LINGO2: variants seen among roughly 807,000 people sequenced by gnomAD.
LINGO2 encodes leucine-rich repeat and immunoglobulin-like domain-containing nogo receptor-interacting protein 2.
A neutral mutation model predicts 30.6 loss-of-function variants in LINGO2; 14 were observed. The observed-to-expected ratio is 0.46, with a 90% CI of 0.30 to 0.72. The LOEUF is 0.72. Among genes scored for constraint, LINGO2 ranks in the 30% least tolerant of loss-of-function variants. LINGO2 has a pLI of 0.07. For synonymous variants in LINGO2, 317 were observed against 288.5 expected (o/e 1.10, Z -1.00); for missense variants, 729 against 751.7 (o/e 0.97, Z 0.35).
At chr9:28,081,380 A>C (rs1050748542) in intron 4 of LINGO2, among the ~76,000 whole-genome samples, 4 of 152,146 alleles carry the variant, frequency 2.6e-5, no homozygotes, top group African/African-American at 9.7e-5. Flanking sequence ...CTTATGATGA[A>C]CCACTTAACA....
chr9:29,061,911 T>C, the LINGO2 span, among the ~76,000 whole-genome samples: 3 of 152,132 alleles, frequency 2.0e-5, no homozygotes, highest in African/African-American at 7.2e-5. Flanking sequence ...GAGAAAATAT[T>C]TGCAAGTCAC....
the LINGO2 span, among the ~76,000 whole-genome samples, chr9:29,038,685 A>AC: frequency 1.3e-4 from 20 of 151,808 alleles, no homozygotes; most frequent in South Asian, 3.9e-3. Flanking sequence ...AAAAAAAAAA[A>AC]AAAAAACATG....
chr9:28,485,132 A>G (rs1370919593), intron 1 of LINGO2, among the ~76,000 whole-genome samples: 1 of 152,068 alleles, frequency 6.6e-6, no homozygotes. Flanking sequence ...CCAACTTCTT[A>G]TTTGTCAGAA....
intron 2 of LINGO2, among the ~76,000 whole-genome samples, chr9:28,435,557 G>A (rs1823889929): frequency 6.6e-6 from 1 of 152,162 alleles, no homozygotes; most frequent in Non-Finnish European, 1.5e-5. Flanking sequence ...AGATTACTGT[G>A]AAGGACTGTG....
intron 4 of LINGO2, among the ~76,000 whole-genome samples, chr9:28,121,275 C>T (rs1017879075): frequency 6.6e-6 from 1 of 152,066 alleles, no homozygotes; most frequent in Admixed American, 6.6e-5. Context: ...TCAGCAAATC[C>T]GCTTTTCTGT....
the LINGO2 span, among the ~76,000 whole-genome samples, chr9:28,725,617 A>T: frequency 6.6e-6 from 1 of 151,812 alleles, no homozygotes; most frequent in Non-Finnish European, 1.5e-5. Context: ...AGACATGAAA[A>T]TAATAACCAC....
chr9:27,999,412 G>A (rs945229891), intron 5 of LINGO2, among the ~76,000 whole-genome samples: 6 of 149,994 alleles, frequency 4.0e-5, no homozygotes, highest in Non-Finnish European at 1.5e-5. Flanking sequence ...AAACCTCTAC[G>A]ACTTAATCAC....
At chr9:28,307,924 C>A (rs978207086) in intron 3 of LINGO2, among the ~76,000 whole-genome samples, 2 of 151,888 alleles carry the variant, frequency 1.3e-5, no homozygotes, top group African/African-American at 2.4e-5. Context: ...CTCAATGAAA[C>A]AAAGGAGGAT....
the LINGO2 span, among the ~76,000 whole-genome samples, chr9:29,146,058 A>G: frequency 1.3e-5 from 2 of 152,224 alleles, no homozygotes; most frequent in African/African-American, 4.8e-5. Flanking sequence ...TGTAAAGGTC[A>G]GTTATCAATT....
At chr9:29,158,134 A>G in the LINGO2 span, among the ~76,000 whole-genome samples, 2 of 151,666 alleles carry the variant, frequency 1.3e-5, no homozygotes, top group African/African-American at 4.8e-5. Context: ...TTTAAGCTCG[A>G]GTTCAAGACC....
At chr9:29,019,126 C>A in the LINGO2 span, among the ~76,000 whole-genome samples, 2 of 152,048 alleles carry the variant, frequency 1.3e-5, no homozygotes, top group Non-Finnish European at 2.9e-5. Context: ...ATAAAATAAT[C>A]TGATACTCTG....
At chr9:28,762,160 C>G in the LINGO2 span, among the ~76,000 whole-genome samples, 26 of 152,100 alleles carry the variant, frequency 1.7e-4, no homozygotes, top group Non-Finnish European at 2.9e-4. Context: ...CTGGGGTAGA[C>G]TAAAACATAA....
the LINGO2 span, among the ~76,000 whole-genome samples, chr9:29,027,336 A>G: frequency 1.3e-5 from 2 of 152,058 alleles, no homozygotes; most frequent in Non-Finnish European, 2.9e-5. Flanking sequence ...AAAAGTTTCT[A>G]TTGTTTTAAT....
chr9:28,857,351 T>C, the LINGO2 span, among the ~76,000 whole-genome samples: 2 of 152,100 alleles, frequency 1.3e-5, no homozygotes, highest in Non-Finnish European at 2.9e-5. Flanking sequence ...TACATGTTAC[T>C]TATAATTTAG....
intron 5 of LINGO2, among the ~76,000 whole-genome samples, chr9:27,979,509 T>G (rs922178482): frequency 6.6e-6 from 1 of 151,970 alleles, no homozygotes; most frequent in Admixed American, 6.6e-5. Flanking sequence ...ATTGTGTGCA[T>G]AAATATATAT....
chr9:28,787,354 T>A, the LINGO2 span, among the ~76,000 whole-genome samples: 10 of 152,198 alleles, frequency 6.6e-5, no homozygotes, highest in Admixed American at 6.5e-4. Flanking sequence ...TATAACTGTA[T>A]CTATACCAAT....
At chr9:28,832,361 A>G in the LINGO2 span, among the ~76,000 whole-genome samples, 7 of 152,168 alleles carry the variant, frequency 4.6e-5, no homozygotes, top group Non-Finnish European at 1.0e-4. Flanking sequence ...ACCTCATACC[A>G]CGTGTGCAAC....
chr9:29,110,981 G>A, the LINGO2 span, among the ~76,000 whole-genome samples: 1 of 146,688 alleles, frequency 6.8e-6, no homozygotes, highest in Non-Finnish European at 1.5e-5. Context: ...GAGCCACGGC[G>A]CCCGGCCTGG....
At chr9:28,804,404 T>C in the LINGO2 span, among the ~76,000 whole-genome samples, 46 of 152,196 alleles carry the variant, frequency 3.0e-4, no homozygotes, top group South Asian at 9.5e-3. Flanking sequence ...AATTGAGAAA[T>C]ACAAAGAGAT....
Sources: gnomAD v4.1 joint callset for allele counts (sites outside exome capture counted in the v4.1 genomes callset) on GRCh38, gnomAD v4.1.1 for gene constraint, MANE v1.5 for transcripts, NCBI Gene and HGNC (gene_info 2026-07-23, HGNC 2026-07-21) for gene names.